DNAH14: variants seen among roughly 807,000 people sequenced by gnomAD.
The protein encoded by DNAH14 is axonemal beta dynein heavy chain 14.
In DNAH14, 478 loss-of-function variants were observed where a neutral mutation model predicts 520.9. That is an observed-to-expected ratio of 0.92 (90% CI 0.85 to 0.99). The LOEUF (loss-of-function observed/expected upper bound fraction) is 0.99, where lower values mean the gene tolerates loss of function less well. Among genes scored for constraint, DNAH14 ranks in the 50% least tolerant of loss-of-function variants. The pLI is 0.00. For missense variants in DNAH14, 4,831 were observed against 5,234.5 expected (o/e 0.92, Z 2.38); for synonymous variants, 1,581 against 1,757.2 (o/e 0.90, Z 2.51).
intron 36 of DNAH14, among the ~76,000 whole-genome samples, chr1:225,182,531 G>A (rs2084163055): frequency 6.6e-6 from 1 of 152,138 alleles, no homozygotes; most frequent in South Asian, 2.1e-4. Context: ...TGAGAGATCA[G>A]AGTACCTAAT....
Position 225,351,853 on chromosome 1 carries a change from T to C in DNAH14, c.11503T>C (p.Leu3835=), listed in dbSNP as rs1348449826. The C allele has an allele frequency of 5.2e-6, 8 of 1,550,970 alleles. No individual in the cohort carries two copies. Among genetic ancestry groups the C allele is most frequent in the South Asian group, 1.2e-5 (1 of 83,994 alleles). The change falls in exon 72 of 86, where the codon TTG becomes CTG. Residue 3835 remains leucine (L), a synonymous_variant. Transcript: ENST00000682510. Reference sequence around the variant, plus strand: ...ACCTTTCTCTTCAGAAAATGCTTCATTGGAGGAAAATACAAAACCACCAGA... The same window carrying C: ...ACCTTTCTCTTCAGAAAATGCTTCACTGGAGGAAAATACAAAACCACCAGA... ...STPFSSENAS[L]EENTKPPEET...
At chr1:225,248,415 T>C (rs1222120904) in intron 43 of DNAH14, among the ~76,000 whole-genome samples, 1 of 152,144 alleles carries the variant, frequency 6.6e-6, no homozygotes. Flanking sequence ...GGGTGTTCAA[T>C]AGGTAGTGGA....
intron 1 of DNAH14, among the ~76,000 whole-genome samples, chr1:224,936,092 T>C (rs2059014823): frequency 6.6e-6 from 1 of 151,600 alleles, no homozygotes. Flanking sequence ...TTTATAGCAA[T>C]GAATACCTAC....
chr1:225,342,405 AG>A (rs533577804), intron 69 of DNAH14, among the ~76,000 whole-genome samples: 100 of 152,292 alleles, frequency 6.6e-4, no homozygotes, highest in African/African-American at 2.4e-3. Flanking sequence ...AGGAAACCTG[AG>A]TACAGTCACC....
chr1:225,208,391 A>G (rs1010475699), intron 41 of DNAH14, among the ~76,000 whole-genome samples: 1 of 152,224 alleles, frequency 6.6e-6, no homozygotes, highest in Non-Finnish European at 1.5e-5. Context: ...TTAGCTGTAT[A>G]ACAGATTAGT....
At chr1:225,339,703 G>C (rs1029577162) in intron 68 of DNAH14, among the ~76,000 whole-genome samples, 1 of 152,188 alleles carries the variant, frequency 6.6e-6, no homozygotes, top group African/African-American at 2.4e-5. Context: ...TTCAGTGATA[G>C]ACCTCACTCT....
chr1:224,930,338 G>A (rs1385442793), intron 1 of DNAH14, among the ~76,000 whole-genome samples: 1 of 152,126 alleles, frequency 6.6e-6, no homozygotes, highest in Non-Finnish European at 1.5e-5. Context: ...TATTTTACTT[G>A]CGTTTGTGGG....
At chr1:225,324,497 C>A in intron 63 of DNAH14, 144 bp downstream of exon 63, 1 of 1,177,964 alleles carries the variant, frequency 8.5e-7, no homozygotes, top group Non-Finnish European at 1.2e-6. Context: ...GTTATTCTAA[C>A]TCACACAGAT....
intron 27 of DNAH14, among the ~76,000 whole-genome samples, chr1:225,139,471 C>T (rs1388898734): frequency 1.3e-5 from 2 of 152,168 alleles, no homozygotes; most frequent in Admixed American, 6.5e-5. Context: ...TTACAACTCC[C>T]CTTTCTCTTG....
chr1:225,302,364 C>CA (rs551513000), intron 56 of DNAH14, among the ~76,000 whole-genome samples: 8 of 150,730 alleles, frequency 5.3e-5, no homozygotes, highest in South Asian at 2.1e-4. Flanking sequence ...TTGTTAAAGA[C>CA]AAAAAAAAGG....
rs1336199162 is a variant in DNAH14, at chr1:225,232,581, G to A, written c.6518+1430G>A. On this transcript the variant is annotated intron_variant, in intron 42 of 85. Coordinates refer to ENST00000682510, the MANE Select transcript of DNAH14 (RefSeq NM_001367479.1). The surrounding 1 kb of genome is among the most constrained non-coding windows in gnomAD (Gnocchi z 4.2). ...AATCTCTTGCTCTGATTGTGCTTCA[G>A]TGACACTTGCTTTTTCTTCAGTTTC... Among the ~76,000 whole-genome samples, 1 of 152,104 alleles carries A rather than the reference G, an allele frequency of 6.6e-6. No individual in the cohort carries two copies. Among genetic ancestry groups the A allele is most frequent in the Non-Finnish European group, 1.5e-5 (1 of 68,030 alleles).
chr1:225,215,208 T>G (rs1049007964), intron 41 of DNAH14, among the ~76,000 whole-genome samples: 7 of 152,222 alleles, frequency 4.6e-5, no homozygotes, highest in African/African-American at 1.7e-4. Flanking sequence ...TTCCATGTAG[T>G]TGAGCAGTTT....
Position 225,031,662 on chromosome 1 carries a change from C to T in DNAH14, c.1359-7032C>T, listed in dbSNP as rs562572267. On this transcript the variant is annotated intron_variant, in intron 11 of 85. Coordinates refer to ENST00000682510, the MANE Select transcript of DNAH14 (RefSeq NM_001367479.1). ...TACAAATTATTTTTGTTACTTTTAT[C>T]ACTTCCATGGTACTGCTAAAACTTT... 1.4e-4 allele frequency among the ~76,000 whole-genome samples: 20 copies of T among 140,188 alleles called. No individual in the cohort carries two copies. The East Asian group carries it at 4.3e-3, about 30-fold the overall frequency. 92.0% of individuals were successfully genotyped at this position (140,188 alleles called of 152,430 possible).
rs992848166 is a variant in DNAH14 at position 225,345,995 on chromosome 1, C to T, written c.10712C>T (p.Thr3571Ile). Residue 3571 changes from threonine to isoleucine, a missense_variant, in exon 70 of 86, where the codon ACC (threonine) becomes ATC (isoleucine). Transcript: ENST00000682510. ...SILDDDKIVD[T>I]LRKSKMTSNE... ...TTAGATGATGACAAAATTGTAGATA[C>T]CTTAAGAAAATCCAAAATGACATCA... 11 of 1,551,110 alleles carry T rather than the reference C, an allele frequency of 7.1e-6. No individual in the cohort carries two copies. Among genetic ancestry groups the T allele is most frequent in the Non-Finnish European group, 9.6e-6 (11 of 1,146,840 alleles).
intron 35 of DNAH14, among the ~76,000 whole-genome samples, chr1:225,162,629 A>G (rs985436922): frequency 6.6e-6 from 1 of 152,166 alleles, no homozygotes; most frequent in Admixed American, 6.5e-5. Context: ...TTTGGGTAAT[A>G]TGAACATTTT....
intron 27 of DNAH14, among the ~76,000 whole-genome samples, chr1:225,126,548 G>A (rs984328592): frequency 8.5e-5 from 13 of 152,078 alleles, no homozygotes; most frequent in African/African-American, 3.1e-4. Flanking sequence ...GGGATTGGTG[G>A]TGATATCCCC....
chr1:225,185,384 G>T lies in DNAH14; in HGVS notation c.5629G>T (p.Ala1877Ser), dbSNP rs1322944812. Residue 1877 changes from alanine to serine, a missense_variant, in exon 37 of 86, where the codon GCA becomes TCA. Transcript: ENST00000682510. Reference sequence around the variant, plus strand: ...AAAAGCATTAACGCTATTACCAATTGCAGACTTCTTATCAGTTGCAGAAAG... The same window carrying T: ...AAAAGCATTAACGCTATTACCAATTTCAGACTTCTTATCAGTTGCAGAAAG... Reference protein sequence around the residue: ...LEKALTLLPIADFLSVAERKS... With the variant: ...LEKALTLLPISDFLSVAERKS... 5.8e-6 allele frequency: 9 copies of T among 1,543,044 alleles called. No individual in the cohort carries two copies. The East Asian group carries it at 2.2e-4, about 39-fold the overall frequency.
chr1:224,932,150 A>G (rs893072908), intron 1 of DNAH14, among the ~76,000 whole-genome samples: 3 of 152,136 alleles, frequency 2.0e-5, no homozygotes. Flanking sequence ...ATTAATAGCC[A>G]TTCTGACTGG....
At chr1:225,095,483 C>T (rs2074877917) in intron 21 of DNAH14, among the ~76,000 whole-genome samples, 1 of 152,120 alleles carries the variant, frequency 6.6e-6, no homozygotes, top group East Asian at 1.9e-4. Flanking sequence ...GAACAACAGA[C>T]ACCGGGGCGT....
Sources: gnomAD v4.1 joint callset for allele counts (sites outside exome capture counted in the v4.1 genomes callset) on GRCh38, gnomAD v4.1.1 for gene constraint, Gnocchi (gnomAD v3.1) non-coding constraint, MANE v1.5 for transcripts, NCBI Gene and HGNC (gene_info 2026-07-23, HGNC 2026-07-21) for gene names.